Variants in TRPM3 observed in about 807,000 individuals in gnomAD.
TRPM3 encodes the protein long transient receptor potential channel 3.
Under a neutral mutation model 181.2 loss-of-function variants are expected in TRPM3, and 77 were observed. That is an observed-to-expected ratio of 0.42 (90% CI 0.35 to 0.51). TRPM3 has a LOEUF of 0.51. Among genes scored for constraint, TRPM3 ranks in the 20% least tolerant of loss-of-function variants. The pLI, the probability that TRPM3 is intolerant of heterozygous loss-of-function variation, is 0.01. For missense variants in TRPM3, 1,759 were observed against 2,196.7 expected (o/e 0.80, Z 3.98); for synonymous variants, 745 against 796.4 (o/e 0.94, Z 1.09).
intron 20 of TRPM3, among the ~76,000 whole-genome samples, chr9:70,602,307 T>C (rs2060188558): frequency 6.6e-6 from 1 of 152,190 alleles, no homozygotes; most frequent in Non-Finnish European, 1.5e-5. Context: ...ATCTTTTCTC[T>C]GGAAGAGAAC....
rs2068377664 is a variant in TRPM3, at chr9:71,101,505, T to TAC, written c.177+19671_177+19672dup. Among the ~76,000 whole-genome samples, 4 of 152,056 alleles carry TAC rather than the reference T, an allele frequency of 2.6e-5. No individual in the cohort carries two copies. In the South Asian group the frequency reaches 8.3e-4, roughly 32 times the overall value. On this transcript the variant is annotated intron_variant, in intron 1 of 25. Transcript: ENST00000677713. ...GACAGGGCTAGGAGAGTACAGGGAG[T>TAC]ACAGGTAGGATGGGATGATTAATTC... is the stretch of plus-strand genomic sequence containing the variant.
intron 1 of TRPM3, among the ~76,000 whole-genome samples, chr9:71,423,986 G>C (rs769227560): frequency 6.6e-6 from 1 of 152,136 alleles, no homozygotes; most frequent in Non-Finnish European, 1.5e-5. Context: ...CAGGCTGGCT[G>C]AGCTTCTAGA....
chr9:70,805,522 A>G (rs1329202462), intron 6 of TRPM3, among the ~76,000 whole-genome samples: 1 of 136,256 alleles, frequency 7.3e-6, no homozygotes, highest in African/African-American at 2.7e-5. Context: ...CGACAGAGCC[A>G]GACTCCATCT....
chr9:70,680,535 G>T (rs779525566), intron 9 of TRPM3, among the ~76,000 whole-genome samples: 1 of 152,160 alleles, frequency 6.6e-6, no homozygotes, highest in Non-Finnish European at 1.5e-5. Flanking sequence ...GTTAAGGATT[G>T]TGTGAGGTGT....
Position 71,005,189 on chromosome 9 carries a change from C to T in TRPM3, c.177+115989G>A, listed in dbSNP as rs548898853. Among the ~76,000 whole-genome samples, 14 of 152,258 alleles carry T rather than the reference C, an allele frequency of 9.2e-5. No homozygotes were observed. The South Asian group carries it at 2.7e-3, about 29-fold the overall frequency. On this transcript the variant is annotated intron_variant, in intron 1 of 25. Coordinates refer to ENST00000677713, the MANE Select transcript of TRPM3 (RefSeq NM_001366145.2). ...TAGGAAGGCCAGGTGGGCAGATCAC[C>T]TGAGTTTGGGAGTTTGAGACCAGCC...
rs1368496702 is a variant in TRPM3 at position 70,603,442 on chromosome 9, A to G, written c.2696T>C (p.Phe899Ser). The G allele has an allele frequency of 1.9e-6, 3 of 1,614,158 alleles. No homozygotes were observed. The highest frequency in any genetic ancestry group is 2.5e-6 in the Non-Finnish European group (3 of 1,180,024). Residue 899 changes from phenylalanine to serine, a missense_variant, in exon 20 of 26, where the codon TTC becomes TCC. Physicochemically the swap from Phe to Ser is radical, Grantham distance 155 (BLOSUM62 -2). Around this residue, in one of 8 missense-constraint regions of TRPM3, gnomAD observed 100 missense variants for 123.0 expected, o/e 0.81. Transcript: ENST00000677713. Reference protein sequence around the residue: ...TLAYIGYLMLFNYIVLVKMER... With the variant: ...TLAYIGYLMLSNYIVLVKMER... The stretch of plus-strand genomic sequence containing the variant: ...CATCTTCACTAACACGATATAGTTG[A>G]AGAGCATCAGGTATCCGATATACGC...
At chr9:70,978,668 C>T (rs2097331791) in intron 1 of TRPM3, among the ~76,000 whole-genome samples, 1 of 152,174 alleles carries the variant, frequency 6.6e-6, no homozygotes, top group South Asian at 2.1e-4. Context: ...AGACATTTCG[C>T]TTGGTGTTAA....
chr9:70,843,251 T>C (rs943520954), intron 4 of TRPM3, 124 bp from the exon 5 acceptor site: 2 of 1,028,392 alleles, frequency 1.9e-6, no homozygotes, highest in Non-Finnish European at 2.7e-6. Flanking sequence ...TTTTGACACA[T>C]TTCTATACAA....
chr9:70,614,427 T>C (rs58391509), intron 18 of TRPM3, among the ~76,000 whole-genome samples: 30,486 of 151,836 alleles, frequency 0.2, 3,553 homozygotes, highest in South Asian at 0.37. Flanking sequence ...TTGAATCCCA[T>C]TGAGGTTACA....
rs138286517 is a variant in TRPM3 at position 71,319,023 on chromosome 9, C to CTCTTTTTGTTTTGCTTCTTTCACTTATG, written c.183+127629_183+127630insCATAAGTGAAAGAAGCAAAACAAAAAGA. Among the ~76,000 whole-genome samples the CTCTTTTTGTTTTGCTTCTTTCACTTATG allele has an allele frequency of 4.0e-5, 6 of 151,712 alleles. No homozygotes were observed. The East Asian group carries it at 1.2e-3, about 29-fold the overall frequency. The stretch of plus-strand genomic sequence containing the variant: ...TATTATGTAAATTATATAGTATGTA[C>CTCTTTTTGTTTTGCTTCTTTCACTTATG]AAAATTGTGAGATTCACCAATTTTG... On this transcript the variant is annotated intron_variant, in intron 1 of 24. Transcript: ENST00000357533.
chr9:70,794,235 C>T (rs1208500962), intron 6 of TRPM3, among the ~76,000 whole-genome samples: 1 of 152,092 alleles, frequency 6.6e-6, no homozygotes, highest in Non-Finnish European at 1.5e-5. Flanking sequence ...ATATGGGAAG[C>T]TACTCTCCAT....
At chr9:71,358,905 T>C (rs1019953836) in intron 1 of TRPM3, among the ~76,000 whole-genome samples, 4 of 152,218 alleles carry the variant, frequency 2.6e-5, no homozygotes, top group Admixed American at 1.3e-4. Context: ...ATTTCCAAAC[T>C]TTCTGTGAGC....
chr9:71,325,674 A>C (rs148595022), intron 1 of TRPM3, among the ~76,000 whole-genome samples: 1 of 152,252 alleles, frequency 6.6e-6, no homozygotes, highest in Non-Finnish European at 1.5e-5. Flanking sequence ...CCACTAACCT[A>C]CAAAACCTAC....
At chr9:70,555,548 C>T (rs796767689) in intron 22 of TRPM3, among the ~76,000 whole-genome samples, 109 of 152,314 alleles carry the variant, frequency 7.2e-4, no homozygotes, top group African/African-American at 2.5e-3. Context: ...AGACATTTCC[C>T]ACACCTCCGC....
chr9:71,281,325 G>T (rs2132193981), intron 1 of TRPM3, among the ~76,000 whole-genome samples: 1 of 152,308 alleles, frequency 6.6e-6, no homozygotes, highest in South Asian at 2.1e-4. Context: ...ATTAAGAACA[G>T]TTCATAAGCA....
chr9:70,851,296 A>G (rs1334596168), intron 3 of TRPM3, among the ~76,000 whole-genome samples: 1 of 152,256 alleles, frequency 6.6e-6, no homozygotes, highest in African/African-American at 2.4e-5. Flanking sequence ...ATAGATATGC[A>G]TACATTATTA....
chr9:71,132,325 C>T (rs2074423221), intron 1 of TRPM3, among the ~76,000 whole-genome samples: 1 of 151,106 alleles, frequency 6.6e-6, no homozygotes, highest in Non-Finnish European at 1.5e-5. Flanking sequence ...GAGGGAACCA[C>T]ACACTGAGCA....
chr9:71,404,348 C>A (rs1156457604), intron 1 of TRPM3, among the ~76,000 whole-genome samples: 1 of 152,136 alleles, frequency 6.6e-6, no homozygotes, highest in Non-Finnish European at 1.5e-5. Flanking sequence ...TTAATATCAA[C>A]CTTAATCAGA....
chr9:70,835,109 G>A (rs1268435437), intron 5 of TRPM3, among the ~76,000 whole-genome samples: 1 of 152,094 alleles, frequency 6.6e-6, no homozygotes, highest in Non-Finnish European at 1.5e-5. Context: ...GTTATGTGGT[G>A]TGCCAGCTCC....
Sources: gnomAD v4.1 joint callset for allele counts (sites outside exome capture counted in the v4.1 genomes callset) on GRCh38, gnomAD v4.1.1 for gene constraint, gnomAD v4.1.1 regional missense constraint, MANE v1.5 for transcripts, NCBI Gene and HGNC (gene_info 2026-07-23, HGNC 2026-07-21) for gene names.